KIF14: variants seen among roughly 807,000 people sequenced by gnomAD.
KIF14 encodes kinesin family member 14, also known as kinesin-like protein KIF14.
A neutral mutation model predicts 176.2 loss-of-function variants in KIF14; 98 were observed. That is an observed-to-expected ratio of 0.56 (90% CI 0.47 to 0.66). KIF14 has a LOEUF of 0.66. Among genes scored for constraint, KIF14 ranks in the 30% least tolerant of loss-of-function variants. KIF14 has a pLI of 0.00. For synonymous variants in KIF14, 566 were observed against 632.2 expected, an observed-to-expected ratio of 0.90 and a Z score of 1.57; for missense variants, 1,751 against 1,920.4, an observed-to-expected ratio of 0.91 and a Z score of 1.65.
intron 23 of KIF14, among the ~76,000 whole-genome samples, chr1:200,568,236 C>G (rs562471468): frequency 6.6e-5 from 10 of 152,218 alleles, no homozygotes; most frequent in African/African-American, 2.4e-4. Flanking sequence ...AAGCAAAGAC[C>G]TTTTCTATCT....
chr1:200,564,541 G>A (rs1293001214), intron 25 of KIF14, among the ~76,000 whole-genome samples: 1 of 152,140 alleles, frequency 6.6e-6, no homozygotes, highest in Non-Finnish European at 1.5e-5. Context: ...AGATAAGCAG[G>A]AAAACAAAAT....
Position 200,613,477 on chromosome 1 carries a change from A to G in KIF14, c.1455+841T>C, listed in dbSNP as rs542803111. ...TCTACTTTAGTTTGTTTAGCATTTA[A>G]TTGATTGTACTTGGCTGTTAACTTA... On this transcript the variant is annotated intron_variant, in intron 4 of 29. Transcript: ENST00000367350. Among the ~76,000 whole-genome samples the G allele has an allele frequency of 2.0e-5, 3 of 152,298 alleles. No individual in the cohort carries two copies. The South Asian group carries it at 6.2e-4, about 32-fold the overall frequency.
At chr1:200,592,371 A>T in intron 15 of KIF14, 131 bp from the exon 16 acceptor site, 1 of 689,800 alleles carries the variant, frequency 1.4e-6, no homozygotes, top group Non-Finnish European at 2.3e-6. Flanking sequence ...AGCAACTAAC[A>T]TTTATTACTT....
chr1:200,611,227 T>G (rs1660140912), intron 4 of KIF14, among the ~76,000 whole-genome samples: 1 of 151,966 alleles, frequency 6.6e-6, no homozygotes, highest in Non-Finnish European at 1.5e-5. Context: ...TTCAAGGGAG[T>G]GTCAAAGAGA....
In KIF14 at chr1:200,615,340, T is replaced by C. The variant is rs1236039836; in HGVS notation, c.1367+15A>G. 1 of 1,602,074 alleles carries C rather than the reference T, an allele frequency of 6.2e-7. No homozygotes were observed. The highest frequency in any genetic ancestry group is 2.2e-5 in the East Asian group (1 of 44,682). On this transcript the variant is annotated intron_variant, in intron 3 of 29. Transcript: ENST00000367350. ...TTAAACACTTCTGGATAATTGCATT[T>C]CCAATACAACTTACGTATATGATTT...
In KIF14 at chr1:200,599,831, T is replaced by C. The variant is rs527257273; in HGVS notation, c.2364+219A>G. 9.8e-5 allele frequency among the ~76,000 whole-genome samples: 15 copies of C among 152,364 alleles called. No individual in the cohort carries two copies. The South Asian group carries it at 2.5e-3, about 25-fold the overall frequency. On this transcript the variant is annotated intron_variant, in intron 13 of 29. Transcript: ENST00000367350. ...TAAATATAACAAGATGGTTTATTCATACTTTAACTTTCCAACTAGTTTATG... is the reference window on the plus strand; with the variant it reads ...TAAATATAACAAGATGGTTTATTCACACTTTAACTTTCCAACTAGTTTATG...
chr1:200,597,228 A>C (rs1186933262), intron 14 of KIF14, among the ~76,000 whole-genome samples: 6 of 152,142 alleles, frequency 3.9e-5, no homozygotes, highest in African/African-American at 1.4e-4. Flanking sequence ...AAAGGAAAAG[A>C]CTGATGCCAG....
intron 1 of KIF14, among the ~76,000 whole-genome samples, chr1:200,619,692 T>C (rs1362939619): frequency 6.6e-6 from 1 of 152,226 alleles, no homozygotes; most frequent in Non-Finnish European, 1.5e-5. Context: ...GAAGATTGAA[T>C]TGATTGGTGT....
rs1462027390 is a variant in KIF14, at chr1:200,589,287, T to C, written c.3044A>G (p.Lys1015Arg). Residue 1015 changes from lysine (K) to arginine (R), a missense_variant, in exon 18 of 30, where the codon AAG (lysine) becomes AGG (arginine). Physicochemically the swap from Lys to Arg is conservative, Grantham distance 26. Transcript: ENST00000367350. ...NHKIEELEKA[K>R]QHLEQEIYVN... ...ATATATTTCCTGTTCAAGATGCTGC[T>C]TTGCCTTTTCTAATTCCTCAATTTT... 13 of 1,612,308 alleles carry C rather than the reference T, an allele frequency of 8.1e-6. No homozygotes were observed. Among genetic ancestry groups the C allele is most frequent in the Non-Finnish European group, 1.1e-5 (13 of 1,178,644 alleles).
Position 200,588,472 on chromosome 1 carries a change from G to A in KIF14, c.3114+745C>T, listed in dbSNP as rs183275409. ...GCCAGGATGGCATCGATCTCTTAAC[G>A]TCGTAATCCACCCGCCTCAGCCTCC... On this transcript the variant is annotated intron_variant, in intron 18 of 29. Coordinates refer to ENST00000367350, the MANE Select transcript of KIF14 (RefSeq NM_014875.3). Among the ~76,000 whole-genome samples the A allele has an allele frequency of 3.9e-5, 6 of 152,020 alleles. No individual in the cohort carries two copies. The East Asian group carries it at 5.8e-4, about 15-fold the overall frequency.
intron 16 of KIF14, among the ~76,000 whole-genome samples, chr1:200,591,513 C>T (rs1323126943): frequency 1.3e-5 from 2 of 152,170 alleles, no homozygotes; most frequent in Non-Finnish European, 2.9e-5. Flanking sequence ...AACTCTTTAG[C>T]ATTTTATTTG....
chr1:200,612,881 C>CTTTTTTTTTTTTTTT (rs58120760), intron 4 of KIF14, among the ~76,000 whole-genome samples: 3 of 79,098 alleles, frequency 3.8e-5, no homozygotes, highest in Admixed American at 1.7e-4. Context: ...AGTTTATTCT[C>CTTTTTTTTTTTTTTT]TTTTTTTTTT....
At chr1:200,615,086 C>T (rs994807408) in intron 3 of KIF14, among the ~76,000 whole-genome samples, 1 of 152,124 alleles carries the variant, frequency 6.6e-6, no homozygotes, top group Non-Finnish European at 1.5e-5. Flanking sequence ...GATAACCTCT[C>T]TAGGCCTTAG....
chr1:200,620,016 T>A (rs1660606225), intron 1 of KIF14, among the ~76,000 whole-genome samples: 1 of 152,304 alleles, frequency 6.6e-6, no homozygotes, highest in South Asian at 2.1e-4. Flanking sequence ...ATGACACTGG[T>A]TCAAACTATT....
chr1:200,610,749 A>G (rs1660117397), intron 4 of KIF14, among the ~76,000 whole-genome samples: 1 of 152,176 alleles, frequency 6.6e-6, no homozygotes, highest in Non-Finnish European at 1.5e-5. Flanking sequence ...CAGCAATAGA[A>G]AATTAATTAA....
Position 200,602,077 on chromosome 1 carries a change from A to T in KIF14, c.1980-9T>A. 1 of 1,607,364 alleles carries T rather than the reference A, an allele frequency of 6.2e-7. No homozygotes were observed. The highest frequency in any genetic ancestry group is 1.1e-5 in the South Asian group (1 of 89,386). On this transcript the variant is annotated splice_polypyrimidine_tract_variant and intron_variant, in intron 10 of 29. Transcript: ENST00000367350. ...GACTTTCTTTTAACAGCCTACAAGA[A>T]AAAAAGTCATAAGACTTTGCTTCTA...
intron 21 of KIF14, among the ~76,000 whole-genome samples, chr1:200,576,463 G>C (rs928848825): frequency 5.1e-5 from 7 of 137,914 alleles, no homozygotes; most frequent in African/African-American, 2.0e-4. Context: ...GGGCGACAGA[G>C]CGAGACTCCG....
intron 20 of KIF14, 72 bp from the exon 21 acceptor site, chr1:200,580,455 G>T: frequency 2.0e-6 from 2 of 1,022,016 alleles, no homozygotes; most frequent in Non-Finnish European, 2.6e-6. Flanking sequence ...AGTTTTCTGG[G>T]GTAGAATAAT....
chr1:200,581,360 A>G, intron 19 of KIF14, 66 bp from the exon 20 acceptor site: 1 of 759,930 alleles, frequency 1.3e-6, no homozygotes, highest in South Asian at 2.2e-5. Flanking sequence ...CCATTAGGCA[A>G]AACAATTCCT....
Sources: allele counts gnomAD v4.1 joint callset (sites outside exome capture counted in the v4.1 genomes callset), GRCh38; gene constraint gnomAD v4.1.1; transcripts MANE v1.5; gene names NCBI Gene and HGNC (gene_info 2026-07-23, HGNC 2026-07-21).